The following ANKRD36 variants were observed in gnomAD, a reference collection of about 807,000 sequenced individuals.
The protein encoded by ANKRD36 is ankyrin repeat domain 36, also known as ankyrin repeat domain-containing protein 36A.
In ANKRD36, 179 loss-of-function variants were observed where a neutral mutation model predicts 278.1. The observed-to-expected ratio is 0.64, with a 90% CI of 0.57 to 0.73. The LOEUF (loss-of-function observed/expected upper bound fraction) is 0.73, where lower values mean the gene tolerates loss of function less well. Among genes scored for constraint, ANKRD36 ranks in the 30% least tolerant of loss-of-function variants. The pLI, the probability that ANKRD36 is intolerant of heterozygous loss-of-function variation, is 0.00. For missense variants in ANKRD36, 1,159 were observed against 1,956.7 expected (o/e 0.59, Z 7.69); for synonymous variants, 320 against 641.1 (o/e 0.50, Z 7.57).
At chr2:97,175,895 T>G (rs1039654430) in intron 22 of ANKRD36, among the ~76,000 whole-genome samples, 1 of 151,788 alleles carries the variant, frequency 6.6e-6, no homozygotes, top group Non-Finnish European at 1.5e-5. Flanking sequence ...CAGTAGTCAT[T>G]CAGGAGCAGG....
At chr2:97,176,200 A>C (rs2054200035) in intron 22 of ANKRD36, among the ~76,000 whole-genome samples, 1 of 151,800 alleles carries the variant, frequency 6.6e-6, no homozygotes, top group East Asian at 1.9e-4. Flanking sequence ...TCTCTTGTTG[A>C]TCTGTCCAAT....
intron 56 of ANKRD36, among the ~76,000 whole-genome samples, chr2:97,211,137 A>G (rs376130280): frequency 6.6e-6 from 1 of 151,978 alleles, no homozygotes; most frequent in Admixed American, 6.6e-5. Context: ...GAATGTTTGT[A>G]CTATAATGGT....
intron 66 of ANKRD36, among the ~76,000 whole-genome samples, chr2:97,222,348 A>G (rs1376763325): frequency 6.6e-6 from 1 of 152,072 alleles, no homozygotes; most frequent in Non-Finnish European, 1.5e-5. Flanking sequence ...TTACCTAGCA[A>G]TGGGATTGCT....
intron 1 of ANKRD36, among the ~76,000 whole-genome samples, chr2:97,116,518 C>T (rs964929132): frequency 3.3e-5 from 5 of 151,992 alleles, no homozygotes; most frequent in Admixed American, 1.3e-4. Flanking sequence ...AGGTGATCCC[C>T]GTGCCTCGGC....
At chr2:97,177,727 G>C (rs1323581753) in intron 22 of ANKRD36, among the ~76,000 whole-genome samples, 6 of 151,656 alleles carry the variant, frequency 4.0e-5, no homozygotes, top group Non-Finnish European at 8.8e-5. Flanking sequence ...AAAAACCCTA[G>C]AAGAAAACCT....
intron 6 of ANKRD36, among the ~76,000 whole-genome samples, chr2:97,129,815 G>A (rs1458371605): frequency 6.6e-6 from 1 of 151,970 alleles, no homozygotes; most frequent in Non-Finnish European, 1.5e-5. Flanking sequence ...GCTCTGTTCT[G>A]TTCCATTGGT....
intron 66 of ANKRD36, among the ~76,000 whole-genome samples, chr2:97,220,789 T>TTTA (rs2067376044): frequency 1.7e-4 from 21 of 127,144 alleles, no homozygotes; most frequent in East Asian, 9.5e-4. Context: ...TTTTTTTTTT[T>TTTA]ATTATACTCT....
intron 6 of ANKRD36, among the ~76,000 whole-genome samples, chr2:97,142,358 T>C (rs2043126837): frequency 6.6e-6 from 1 of 151,898 alleles, no homozygotes; most frequent in African/African-American, 2.4e-5. Context: ...TTTTTATCCC[T>C]CCATATATCC....
intron 6 of ANKRD36, among the ~76,000 whole-genome samples, chr2:97,132,680 G>A (rs2923967): frequency 3.3e-5 from 5 of 152,026 alleles, no homozygotes; most frequent in Non-Finnish European, 7.3e-5. Context: ...CGATTCACTT[G>A]GAAGGACTCA....
At chr2:97,142,509 C>G (rs1382841522) in intron 6 of ANKRD36, 131 bp from the exon 7 acceptor site, 1 of 1,491,062 alleles carries the variant, frequency 6.7e-7, no homozygotes, top group African/African-American at 1.4e-5. Flanking sequence ...TCCCAAGACA[C>G]AAAGTATAAA....
In ANKRD36 at chr2:97,196,804, G is replaced by C; in HGVS notation, c.2653+16G>C. On this transcript the variant is annotated intron_variant, in intron 42 of 75. Transcript: ENST00000420699. ...TCTAGGACAGGTAATTCTGAAAACA[G>C]ATTTAATGTCATGTTCAGTCCAGAT... 6.5e-7 allele frequency: 1 copy of C among 1,544,838 alleles called. No individual in the cohort carries two copies. Among genetic ancestry groups the C allele is most frequent in the Non-Finnish European group, 8.7e-7 (1 of 1,146,134 alleles).
intron 36 of ANKRD36, among the ~76,000 whole-genome samples, chr2:97,192,163 A>G (rs1317254108): frequency 1.3e-5 from 2 of 151,696 alleles, no homozygotes; most frequent in African/African-American, 2.4e-5. Flanking sequence ...ATAATTGATG[A>G]TTTTTTATTG....
intron 22 of ANKRD36, among the ~76,000 whole-genome samples, chr2:97,169,103 A>T (rs1460137903): frequency 5.3e-5 from 8 of 151,526 alleles, no homozygotes; most frequent in Middle Eastern, 3.5e-3. Context: ...ATTTCTCCAC[A>T]TCCTCTCCAG....
At chr2:97,199,625 T>A (rs1288150863) in intron 44 of ANKRD36, among the ~76,000 whole-genome samples, 2 of 151,930 alleles carry the variant, frequency 1.3e-5, no homozygotes, top group Admixed American at 6.6e-5. Flanking sequence ...TATGTCAAAG[T>A]TGATAATTGA....
At chr2:97,201,905 A>G (rs1172670304) in intron 46 of ANKRD36, among the ~76,000 whole-genome samples, 1 of 151,912 alleles carries the variant, frequency 6.6e-6, no homozygotes, top group Non-Finnish European at 1.5e-5. Flanking sequence ...ATTTTAGATC[A>G]CATTTGTTCT....
chr2:97,208,461 G>A (rs1477247514), intron 54 of ANKRD36, among the ~76,000 whole-genome samples: 3 of 146,424 alleles, frequency 2.0e-5, no homozygotes, highest in East Asian at 2.0e-4. Context: ...TAAGGAAGAC[G>A]GATTGTGAGG....
chr2:97,203,961 C>T (rs1244378350), intron 48 of ANKRD36, 107 bp from the exon 49 acceptor site: 58 of 1,486,394 alleles, frequency 3.9e-5, no homozygotes, highest in Middle Eastern at 2.4e-4. Flanking sequence ...TCAAAGCATA[C>T]GCTAATACAG....
chr2:97,122,916 G>A lies in ANKRD36; in HGVS notation c.516G>A (p.Val172=), dbSNP rs755337089. 6.5e-7 allele frequency: 1 copy of A among 1,543,692 alleles called. No homozygotes were observed. Among genetic ancestry groups the A allele is most frequent in the Non-Finnish European group, 8.8e-7 (1 of 1,142,710 alleles). Residue 172 remains valine (V), a synonymous_variant, in exon 4 of 76, where the codon GTG becomes GTA. Transcript: ENST00000420699. ...AATATCAGCCACTGTTATTTGCTGT[G>A]AGTCGAAGAAAAGTGAAAATGGTGG... The part of the protein sequence containing the change: ...KCEYQPLLFA[V]SRRKVKMVEF...
In ANKRD36 at chr2:97,243,928, G is replaced by A. The variant is rs879767610; in HGVS notation, c.4390G>A (p.Glu1464Lys). 6.2e-7 allele frequency: 1 copy of A among 1,604,924 alleles called. No individual in the cohort carries two copies. Among genetic ancestry groups the A allele is most frequent in the Non-Finnish European group, 8.5e-7 (1 of 1,177,368 alleles). Residue 1464 changes from glutamate to lysine, a missense_variant, in exon 70 of 76, where the codon GAA becomes AAA. Physicochemically the swap from Glu to Lys is moderately conservative, Grantham distance 56. Transcript: ENST00000420699. ...AGTTAGGGAAAAGTTAAGAATAACAGAAGAGCAATATAGGATAGAAGCTGA... is the reference window on the plus strand; with the variant it reads ...AGTTAGGGAAAAGTTAAGAATAACAAAAGAGCAATATAGGATAGAAGCTGA... ...QKVREKLRIT[E>K]EQYRIEADVT...
Sources: gnomAD v4.1 joint callset for allele counts (sites outside exome capture counted in the v4.1 genomes callset) on GRCh38, gnomAD v4.1.1 for gene constraint, MANE v1.5 for transcripts, NCBI Gene and HGNC (gene_info 2026-07-23, HGNC 2026-07-21) for gene names.